Variants in LUZP1 observed in about 807,000 individuals in gnomAD.
LUZP1 encodes filamin mechanobinding actin cross-linking protein.
Under a neutral mutation model 71.3 loss-of-function variants are expected in LUZP1, and 25 were observed. That is an observed-to-expected ratio of 0.35 (90% CI 0.26 to 0.49). The LOEUF (loss-of-function observed/expected upper bound fraction) is 0.49. Among genes scored for constraint, LUZP1 ranks in the 20% least tolerant of loss-of-function variants. The probability of loss-of-function intolerance (pLI) is 0.99; values close to 1 mark genes in which losing one functional copy is unlikely to be tolerated. For missense variants in LUZP1, 1,142 were observed against 1,300.8 expected (o/e 0.88, Z 1.88); for synonymous variants, 481 against 506.4 (o/e 0.95, Z 0.67).
intron 1 of LUZP1, among the ~76,000 whole-genome samples, chr1:23,171,666 C>G (rs991119564): frequency 6.6e-6 from 1 of 152,164 alleles, no homozygotes; most frequent in Non-Finnish European, 1.5e-5. Context: ...ATGCCTGGCC[C>G]GGTCTTCAAA....
Position 23,093,694 on chromosome 1 carries a change from T to A in LUZP1, c.568A>T (p.Thr190Ser). ...TTTCTCTCACTTACAAAGCTCAGAG[T>A]TAATGATTTCAGCTTTTCTAACTCT... The change falls in exon 4 of 5, where the codon ACT becomes TCT. Residue 190 changes from threonine to serine, a missense_variant. Transcript: ENST00000302291. The surrounding 1 kb of genome is among the most constrained non-coding windows in gnomAD (Gnocchi z 4.2). 6.2e-7 allele frequency: 1 copy of A among 1,613,574 alleles called. No homozygotes were observed. The highest frequency in any genetic ancestry group is 1.7e-5 in the Admixed American group (1 of 59,978).
intron 2 of LUZP1, among the ~76,000 whole-genome samples, chr1:23,118,084 C>T (rs1644100378): frequency 6.6e-6 from 1 of 151,516 alleles, no homozygotes; most frequent in South Asian, 2.1e-4. Flanking sequence ...AGCGAGACTC[C>T]ATCTCAAAAA....
chr1:23,136,295 AACACACACACACACAC>A (rs10578041), intron 2 of LUZP1, among the ~76,000 whole-genome samples: 44 of 130,246 alleles, frequency 3.4e-4, no homozygotes, highest in African/African-American at 5.9e-4. Context: ...TTCCGTCTTA[AACACACACACACACAC>A]ACACACACAC....
intron 2 of LUZP1, among the ~76,000 whole-genome samples, chr1:23,116,135 C>T (rs1644076280): frequency 6.6e-6 from 1 of 151,878 alleles, no homozygotes; most frequent in Admixed American, 6.6e-5. Context: ...AATCCCAGCA[C>T]TTTGGGAGGC....
chr1:23,136,476 T>C (rs1024667236), intron 2 of LUZP1, among the ~76,000 whole-genome samples: 1 of 152,126 alleles, frequency 6.6e-6, no homozygotes, highest in Non-Finnish European at 1.5e-5. Context: ...CCCAGGACCT[T>C]ATCAACTCAA....
chr1:23,132,700 T>G (rs527943932), intron 2 of LUZP1, among the ~76,000 whole-genome samples: 15 of 152,246 alleles, frequency 9.9e-5, no homozygotes, highest in Non-Finnish European at 2.2e-4. Context: ...TGTTGTGATA[T>G]ATATAGAGAC....
At chr1:23,137,019 T>C (rs1453792182) in intron 2 of LUZP1, among the ~76,000 whole-genome samples, 1 of 152,228 alleles carries the variant, frequency 6.6e-6, no homozygotes, top group African/African-American at 2.4e-5. Flanking sequence ...GTGCTATCTG[T>C]CATATGGCAA....
chr1:23,164,394 C>T (rs1165589807), intron 2 of LUZP1, among the ~76,000 whole-genome samples: 1 of 151,794 alleles, frequency 6.6e-6, no homozygotes, highest in Non-Finnish European at 1.5e-5. Flanking sequence ...ACTCGGGAGG[C>T]TGAGGCAGAA....
At chr1:23,084,043 T>G (rs1242987255) in exon 5 of LUZP1, 2 of 152,196 alleles carry the variant, frequency 1.3e-5, no homozygotes, top group African/African-American at 4.8e-5. Context: ...GGGAGACCAG[T>G]CTGCCTTTAT....
chr1:23,091,072 A>G (rs762731257), intron 4 of LUZP1, 118 bp downstream of exon 3: 9 of 1,072,834 alleles, frequency 8.4e-6, no homozygotes, highest in Non-Finnish European at 1.2e-5. Context: ...TAAGGAACCC[A>G]GTTCTACTCA....
exon 5 of LUZP1, chr1:23,088,670 T>A: frequency 2.0e-6 from 1 of 500,640 alleles, no homozygotes; most frequent in Non-Finnish European, 3.6e-6. Context: ...GAGAGAGGAC[T>A]CGTGCATTGG....
intron 3 of LUZP1, among the ~76,000 whole-genome samples, chr1:23,095,013 T>C (rs1643885153): frequency 6.6e-6 from 1 of 152,228 alleles, no homozygotes; most frequent in Admixed American, 6.5e-5. Context: ...AGGTGTGAGT[T>C]GGCCCGACCC....
rs34839810 is a variant in LUZP1 at position 23,092,598 on chromosome 1, G to T, written c.1664C>A (p.Ala555Asp). The change falls in exon 4 of 5, where the codon GCT becomes GAT. Residue 555 changes from alanine (A) to aspartate (D), a missense_variant. Transcript: ENST00000302291. ...GGCCTTAGAACAGCCAGAGTTTGCAGCCTGAGTTACTTGACTTCCGTTGCC... is the reference window on the plus strand; with the variant it reads ...GGCCTTAGAACAGCCAGAGTTTGCATCCTGAGTTACTTGACTTCCGTTGCC... 9.9e-6 allele frequency: 16 copies of T among 1,614,200 alleles called. No homozygotes were observed. In the African/African-American group the frequency reaches 2.1e-4, roughly 22 times the overall value.
intron 2 of LUZP1, among the ~76,000 whole-genome samples, chr1:23,151,568 G>A (rs540591303): frequency 1.9e-4 from 29 of 152,128 alleles, no homozygotes; most frequent in Non-Finnish European, 2.8e-4. Flanking sequence ...TAACTCTCCC[G>A]GTTCCCCCAG....
At chr1:23,140,377 C>G (rs1644292990) in intron 2 of LUZP1, 1 of 152,122 alleles carries the variant, frequency 6.6e-6, no homozygotes, top group Non-Finnish European at 1.5e-5. Context: ...AAGCAGAACC[C>G]CAAGCAGTTC....
At position 23,166,048 on chromosome 1, in the gene LUZP1, C is replaced by CAA. The variant is rs76454136; in HGVS notation, c.-226+2716_-226+2717dup. On this transcript the variant is annotated intron_variant, in intron 2 of 4. Coordinates refer to ENST00000302291, the Ensembl canonical transcript of LUZP1. ...CAGCCTTATATGTTTGTCTTTTTAC[C>CAA]AAAAAAAAAAAAAAAAAGAAAAGAA... Among the ~76,000 whole-genome samples the CAA allele has an allele frequency of 3.3e-3, 326 of 98,512 alleles. 1 individual carries two copies. The highest frequency in any genetic ancestry group is 6.7e-3 in the African/African-American group (202 of 30,032). The allele number at this position is 98,512 out of a possible 152,430, so 64.6% of individuals were successfully genotyped here.
chr1:23,111,814 C>A (rs757862349), intron 2 of LUZP1, among the ~76,000 whole-genome samples: 2 of 151,734 alleles, frequency 1.3e-5, no homozygotes, highest in East Asian at 1.9e-4. Context: ...ACCGCCCCCC[C>A]ACACACACAC....
In LUZP1 at chr1:23,151,458, A is replaced by G. The variant is rs1644383170; in HGVS notation, c.-226+17308T>C. ...GATTCAAATTACTATCTAATCAATT[A>G]GCTCAACTGACCCACTCTTTATTCC... On this transcript the variant is annotated intron_variant, in intron 2 of 4. Transcript: ENST00000302291. Among the ~76,000 whole-genome samples, 6 of 152,332 alleles carry G rather than the reference A, an allele frequency of 3.9e-5. No homozygotes were observed. The South Asian group carries it at 1.2e-3, about 32-fold the overall frequency.
intron 2 of LUZP1, among the ~76,000 whole-genome samples, chr1:23,157,669 T>C (rs2148198639): frequency 6.6e-6 from 1 of 152,172 alleles, no homozygotes; most frequent in South Asian, 2.1e-4. Flanking sequence ...TGGGTGCCTG[T>C]AATCCCAGAT....
Sources: gnomAD v4.1 joint callset for allele counts (sites outside exome capture counted in the v4.1 genomes callset) on GRCh38, gnomAD v4.1.1 for gene constraint, Gnocchi (gnomAD v3.1) non-coding constraint, MANE v1.5 for transcripts, NCBI Gene and HGNC (gene_info 2026-07-23, HGNC 2026-07-21) for gene names.